Variants in OR2F1 observed in about 807,000 individuals in gnomAD.
OR2F1 encodes olfactory receptor 2F1.
For synonymous variants in OR2F1, 146 were observed against 155.3 expected (o/e 0.94, Z 0.44); for missense variants, 389 against 378.2 (o/e 1.03, Z -0.24).
At position 143,960,603 on chromosome 7, in the gene OR2F1, C is replaced by G; in HGVS notation, c.633C>G (p.Phe211Leu). The G allele has an allele frequency of 1.9e-6, 3 of 1,614,220 alleles. No individual in the cohort carries two copies. The highest frequency in any genetic ancestry group is 2.5e-6 in the Non-Finnish European group (3 of 1,180,042). The change falls in exon 3 of 3, where the codon TTC (phenylalanine) becomes TTG (leucine). Residue 211 changes from phenylalanine (F) to leucine (L), a missense_variant. Physicochemically the swap from Phe to Leu is conservative, Grantham distance 22 (BLOSUM62 0). Coordinates refer to ENST00000641412, the MANE Select transcript of OR2F1 (RefSeq NM_012369.3). ...VSSIVLLMTP[F>L]CLVLLSYIQI... ...GCATTGTTCTTCTGATGACACCCTTCTGCCTGGTTCTTTTGTCCTACATCC... is the reference window on the plus strand; with the variant it reads ...GCATTGTTCTTCTGATGACACCCTTGTGCCTGGTTCTTTTGTCCTACATCC...
At position 143,963,984 on chromosome 7, in the gene OR2F1, G is replaced by A. The variant is rs1033632655; in HGVS notation, c.*3060G>A. The A allele has an allele frequency of 5.9e-5, 9 of 151,988 alleles. No individual in the cohort carries two copies. Among genetic ancestry groups the A allele is most frequent in the African/African-American group, 2.2e-4 (9 of 41,388 alleles). 9.4% of individuals were successfully genotyped at this position (151,988 alleles called of 1,614,324 possible). ...ACTTTGTAACCTTCAATCCAATCAA[G>A]TTGATGGTCAATATTAACCATCATA... On this transcript the variant is annotated 3_prime_UTR_variant, in exon 3 of 3. Coordinates refer to ENST00000641412, the MANE Select transcript of OR2F1 (RefSeq NM_012369.3).
chr7:143,962,842 T>C lies in OR2F1; in HGVS notation c.*1918T>C, dbSNP rs1327710108. 1 of 152,168 alleles carries C rather than the reference T, an allele frequency of 6.6e-6. No homozygotes were observed. Among genetic ancestry groups the C allele is most frequent in the Non-Finnish European group, 1.5e-5 (1 of 68,032 alleles). The allele number at this position is 152,168 out of a possible 1,614,324, so 9.4% of individuals were successfully genotyped here. The stretch of plus-strand genomic sequence containing the variant: ...TAGAAGGAGTATAGATTGAAAACAA[T>C]TACATTTTAAAAGTATCACTCTGGC... On this transcript the variant is annotated 3_prime_UTR_variant, in exon 3 of 3. Transcript: ENST00000641412.
Position 143,960,017 on chromosome 7 carries a change from G to A in OR2F1, c.47G>A (p.Gly16Asp). Residue 16 changes from glycine to aspartate, a missense_variant, in exon 3 of 3, where the codon GGC becomes GAC. Coordinates refer to ENST00000641412, the MANE Select transcript of OR2F1 (RefSeq NM_012369.3). ...TGGGTGAGTGAATTTATTCTCCTCG[G>A]CCTGTCCAGTGACTGGGACACTCGG... ...QTWVSEFILL[G>D]LSSDWDTRVS... The A allele has an allele frequency of 5.0e-6, 8 of 1,613,696 alleles. No homozygotes were observed. The highest frequency in any genetic ancestry group is 6.8e-6 in the Non-Finnish European group (8 of 1,179,842).
chr7:143,954,937 T>G lies in OR2F1; in HGVS notation c.-346T>G, dbSNP rs891344652. On this transcript the variant is annotated 5_prime_UTR_variant, in exon 1 of 3. Transcript: ENST00000641412. Reference sequence around the variant, plus strand: ...TGAAATTTAACTGTTAAATTAGAGTTTTTTTGTTATGTAAAATGAACTGTG... The same window carrying G: ...TGAAATTTAACTGTTAAATTAGAGTGTTTTTGTTATGTAAAATGAACTGTG... 2 of 152,160 alleles carry G rather than the reference T, an allele frequency of 1.3e-5. No homozygotes were observed. Among genetic ancestry groups the G allele is most frequent in the African/African-American group, 4.8e-5 (2 of 41,438 alleles). The allele number at this position is 152,160 out of a possible 1,614,324, so 9.4% of individuals were successfully genotyped here.
At chr7:143,957,771 A>G (rs2050295287) in intron 1 of OR2F1, among the ~76,000 whole-genome samples, 1 of 152,206 alleles carries the variant, frequency 6.6e-6, no homozygotes, top group African/African-American at 2.4e-5. Context: ...TAGTCCTTCA[A>G]TTCCTTTAAT....
rs147131175 is a variant in OR2F1 at position 143,960,790 on chromosome 7, T to C, written c.820T>C (p.Phe274Leu). 21 of 1,614,098 alleles carry C rather than the reference T, an allele frequency of 1.3e-5. No individual in the cohort carries two copies. Among genetic ancestry groups the C allele is most frequent in the Non-Finnish European group, 1.5e-5 (18 of 1,179,962 alleles). The change falls in exon 3 of 3, where the codon TTC becomes CTC. Residue 274 changes from phenylalanine (F) to leucine (L), a missense_variant. By Grantham distance (22) the Phe-to-Leu change is conservative. Transcript: ENST00000641412. ...TCCCTCTGTCCTTCAGGAGAAGTTG[T>C]TCTCTGTCTTTTATGCCATTTTAAC... ...SSPSVLQEKL[F>L]SVFYAILTPM... is the part of the protein sequence containing the mutation.
At position 143,960,961 on chromosome 7, in the gene OR2F1, A is replaced by G; in HGVS notation, c.*37A>G. 2 of 1,497,956 alleles carry G rather than the reference A, an allele frequency of 1.3e-6. No individual in the cohort carries two copies. The highest frequency in any genetic ancestry group is 1.8e-4 in the Middle Eastern group (1 of 5,660). The allele number at this position is 1,497,956 out of a possible 1,614,324, so 92.8% of individuals were successfully genotyped here. A position where few individuals can be genotyped will look rare whatever the true frequency, so the allele number is the denominator to read the frequency against. ...GACTTAGAGAAAACAGCTTTGCCTC[A>G]GTGTTCTCCACCCAGCTGAGATCTG... On this transcript the variant is annotated 3_prime_UTR_variant, in exon 3 of 3. Transcript: ENST00000641412.
At position 143,960,774 on chromosome 7, in the gene OR2F1, C is replaced by T; in HGVS notation, c.804C>T (p.Val268=). The T allele has an allele frequency of 6.2e-7, 1 of 1,614,156 alleles. No homozygotes were observed. The highest frequency in any genetic ancestry group is 8.5e-7 in the Non-Finnish European group (1 of 1,180,028). The part of the protein sequence containing the change: ...TYIQPHSSPS[V]LQEKLFSVFY... Reference sequence around the variant, plus strand: ...TCCAGCCCCACTCCAGTCCCTCTGTCCTTCAGGAGAAGTTGTTCTCTGTCT... The same window carrying T: ...TCCAGCCCCACTCCAGTCCCTCTGTTCTTCAGGAGAAGTTGTTCTCTGTCT... Residue 268 remains valine (V), a synonymous_variant, in exon 3 of 3, where the codon GTC becomes GTT. Transcript: ENST00000641412.
rs1334996790 is a variant in OR2F1, at chr7:143,960,189, T to C, written c.219T>C (p.Tyr73=). ...LTNLSLVDVS[Y]ATSVVPQLLA... ...ACCTCTCCCTTGTCGATGTCTCCTATGCCACAAGTGTAGTCCCTCAGCTGC... is the reference window on the plus strand; with the variant it reads ...ACCTCTCCCTTGTCGATGTCTCCTACGCCACAAGTGTAGTCCCTCAGCTGC... Residue 73 remains tyrosine (Y), a synonymous_variant, in exon 3 of 3, where the codon TAT becomes TAC. Coordinates refer to ENST00000641412, the MANE Select transcript of OR2F1 (RefSeq NM_012369.3). 1 of 1,614,172 alleles carries C rather than the reference T, an allele frequency of 6.2e-7. No individual in the cohort carries two copies. The highest frequency in any genetic ancestry group is 2.2e-5 in the East Asian group (1 of 44,882).
chr7:143,958,847 T>C (rs976269041), intron 1 of OR2F1, 106 bp from the exon 2 acceptor site: 1 of 152,158 alleles, frequency 6.6e-6, no homozygotes, highest in African/African-American at 2.4e-5. Flanking sequence ...CATATCTCCT[T>C]CTCTGTCTTG....
At chr7:143,957,357 A>C (rs2050292907) in intron 1 of OR2F1, among the ~76,000 whole-genome samples, 1 of 152,242 alleles carries the variant, frequency 6.6e-6, no homozygotes. Flanking sequence ...TTAAAAGCTA[A>C]GTAAAGAATG....
In OR2F1 at chr7:143,960,025, A is replaced by C. The variant is rs1586837455; in HGVS notation, c.55A>C (p.Ser19Arg). 6.2e-7 allele frequency: 1 copy of C among 1,614,102 alleles called. No homozygotes were observed. ...VSEFILLGLS[S>R]DWDTRVSLFV... is the part of the protein sequence containing the mutation. ...TGAATTTATTCTCCTCGGCCTGTCC[A>C]GTGACTGGGACACTCGGGTCTCCCT... Residue 19 changes from serine to arginine, a missense_variant, in exon 3 of 3, where the codon AGT becomes CGT. Coordinates refer to ENST00000641412, the MANE Select transcript of OR2F1 (RefSeq NM_012369.3).
rs1483032783 is a variant in OR2F1 at position 143,959,934 on chromosome 7, G to C, written c.-23-14G>C. 1 of 1,470,088 alleles carries C rather than the reference G, an allele frequency of 6.8e-7. No homozygotes were observed. The highest frequency in any genetic ancestry group is 9.2e-7 in the Non-Finnish European group (1 of 1,083,146). 91.1% of individuals were successfully genotyped at this position (1,470,088 alleles called of 1,614,324 possible). A position where few individuals can be genotyped will look rare whatever the true frequency, so the allele number is the denominator to read the frequency against. On this transcript the variant is annotated splice_polypyrimidine_tract_variant and intron_variant, in intron 2 of 2. Transcript: ENST00000641412. ...TATTCAACAGCTTCTGTTTTTTTCT[G>C]ACTCCCTTCACAGATTAATAATCCT...
chr7:143,960,277 T>C lies in OR2F1; in HGVS notation c.307T>C (p.Phe103Leu), dbSNP rs777034277. The change falls in exon 3 of 3, where the codon TTC becomes CTC. Residue 103 changes from phenylalanine to leucine, a missense_variant. Coordinates refer to ENST00000641412, the MANE Select transcript of OR2F1 (RefSeq NM_012369.3). The stretch of plus-strand genomic sequence containing the variant: ...CCAGAGCTGTGCAGCCCAGTTATTT[T>C]TCTCCCTGGCCTTGGGTGGGATTGA... ...PFQSCAAQLFFSLALGGIEFV... is the reference protein window; with the variant it reads ...PFQSCAAQLFLSLALGGIEFV... The C allele has an allele frequency of 7.9e-5, 127 of 1,614,102 alleles. No individual in the cohort carries two copies. Among genetic ancestry groups the C allele is most frequent in the Middle Eastern group, 3.3e-4 (2 of 6,080 alleles).
Position 143,960,641 on chromosome 7 carries a change from C to G in OR2F1, c.671C>G (p.Thr224Ser), listed in dbSNP as rs762784688. Reference sequence around the variant, plus strand: ...TTGTCCTACATCCAGATCATCTCCACCATCCTAAAGATCCAGTCCAGAGAA... The same window carrying G: ...TTGTCCTACATCCAGATCATCTCCAGCATCCTAAAGATCCAGTCCAGAGAA... ...VLLSYIQIISTILKIQSREGR... is the reference protein window; with the variant it reads ...VLLSYIQIISSILKIQSREGR... Residue 224 changes from threonine (T) to serine (S), a missense_variant, in exon 3 of 3, where the codon ACC (threonine) becomes AGC (serine). By Grantham distance (58) the Thr-to-Ser change is moderately conservative. Coordinates refer to ENST00000641412, the MANE Select transcript of OR2F1 (RefSeq NM_012369.3). 6.2e-7 allele frequency: 1 copy of G among 1,614,018 alleles called. No homozygotes were observed. The highest frequency in any genetic ancestry group is 1.7e-5 in the Admixed American group (1 of 60,002).
At chr7:143,956,783 C>T (rs2050289254) in intron 1 of OR2F1, among the ~76,000 whole-genome samples, 1 of 151,832 alleles carries the variant, frequency 6.6e-6, no homozygotes, top group African/African-American at 2.4e-5. Context: ...GGGAAATTTA[C>T]AAGTAAGGTC....
At chr7:143,957,180 GAAGTT>G (rs2050291938) in intron 1 of OR2F1, among the ~76,000 whole-genome samples, 1 of 152,152 alleles carries the variant, frequency 6.6e-6, no homozygotes, top group Admixed American at 6.6e-5. Flanking sequence ...AAAAACTGTA[GAAGTT>G]GAGTACAAGT....
Position 143,960,388 on chromosome 7 carries a change from C to T in OR2F1, c.418C>T (p.Leu140=), listed in dbSNP as rs2050317551. 6.2e-7 allele frequency: 1 copy of T among 1,614,174 alleles called. No homozygotes were observed. The highest frequency in any genetic ancestry group is 8.5e-7 in the Non-Finnish European group (1 of 1,180,032). The change falls in exon 3 of 3, where the codon CTG becomes TTG. Residue 140 remains leucine, a synonymous_variant. Transcript: ENST00000641412. ...ATACTCGGCCATCATGCATGGAGGGCTGTGTGCTAGGTTGGCCATCACATC... is the reference window on the plus strand; with the variant it reads ...ATACTCGGCCATCATGCATGGAGGGTTGTGTGCTAGGTTGGCCATCACATC... The part of the protein sequence containing the change: ...LRYSAIMHGG[L]CARLAITSWV...
At position 143,961,966 on chromosome 7, in the gene OR2F1, G is replaced by A. The variant is rs1475247805; in HGVS notation, c.*1042G>A. On this transcript the variant is annotated 3_prime_UTR_variant, in exon 3 of 3. Transcript: ENST00000641412. ...CTTCACACACACAACAGAGCCATAGGTGAATTTTTGTAAATCTTGTAACCT... is the reference window on the plus strand; with the variant it reads ...CTTCACACACACAACAGAGCCATAGATGAATTTTTGTAAATCTTGTAACCT... The A allele has an allele frequency of 6.6e-6, 1 of 152,194 alleles. No individual in the cohort carries two copies. The highest frequency in any genetic ancestry group is 6.5e-5 in the Admixed American group (1 of 15,280). The allele number at this position is 152,194 out of a possible 1,614,324, so 9.4% of individuals were successfully genotyped here. A position where few individuals can be genotyped will look rare whatever the true frequency, so the allele number is the denominator to read the frequency against.
Sources: gnomAD v4.1 joint callset for allele counts (sites outside exome capture counted in the v4.1 genomes callset) on GRCh38, gnomAD v4.1.1 for gene constraint, MANE v1.5 for transcripts, NCBI Gene and HGNC (gene_info 2026-07-23, HGNC 2026-07-21) for gene names.